TOP3A: variants seen among roughly 807,000 people sequenced by gnomAD.
TOP3A encodes DNA topoisomerase III alpha.
TOP3A carries 64 observed loss-of-function variants against 111.3 expected under a neutral mutation model. The ratio of observed to expected loss-of-function variants is 0.57; its 90% CI spans 0.47 to 0.71. The LOEUF (loss-of-function observed/expected upper bound fraction) is 0.71. TOP3A is among the 30% of genes least tolerant of loss of function. TOP3A has a pLI of 0.00. For missense variants in TOP3A, 1,104 were observed against 1,285.0 expected, an observed-to-expected ratio of 0.86 and a Z score of 2.15; for synonymous variants, 484 against 485.1, an observed-to-expected ratio of 1.00 and a Z score of 0.03.
At chr17:18,291,802 C>T (rs1273057734) in intron 11 of TOP3A, among the ~76,000 whole-genome samples, 12 of 152,026 alleles carry the variant, frequency 7.9e-5, no homozygotes, top group Non-Finnish European at 1.5e-4. Flanking sequence ...GCAACCTCCG[C>T]CTCCTGGGTT....
intron 7 of TOP3A, 137 bp from the exon 8 acceptor site, chr17:18,302,122 T>A: frequency 1.5e-6 from 2 of 1,374,326 alleles, no homozygotes; most frequent in East Asian, 4.9e-5. Flanking sequence ...AAGGGAACTT[T>A]AAGTGGATTG....
chr17:18,314,574 A>G, intron 1 of TOP3A, 25 bp downstream of exon 1: 1 of 1,596,866 alleles, frequency 6.3e-7, no homozygotes, highest in Non-Finnish European at 8.6e-7. Flanking sequence ...TAAGGCACGC[A>G]GCTGATCGGA....
In TOP3A at chr17:18,302,572, C is replaced by T. The variant is rs1201798455; in HGVS notation, c.643+8G>A. 1 of 1,613,766 alleles carries T rather than the reference C, an allele frequency of 6.2e-7. No individual in the cohort carries two copies. The highest frequency in any genetic ancestry group is 8.5e-7 in the Non-Finnish European group (1 of 1,179,744). On this transcript the variant is annotated splice_region_variant and intron_variant, in intron 6 of 18. Transcript: ENST00000321105. ...GTGGCCATGGGAGAGGTCTGCCTAG[C>T]TCCTCACCAATCCTCAGGTCCAGCT...
chr17:18,289,421 C>A (rs770313590), intron 13 of TOP3A, among the ~76,000 whole-genome samples: 5 of 152,086 alleles, frequency 3.3e-5, no homozygotes, highest in Non-Finnish European at 7.4e-5. Context: ...GCTACAGGTG[C>A]CCACCGCCAT....
rs772811336 is a variant in TOP3A at position 18,277,939 on chromosome 17, C to T, written c.2563G>A (p.Gly855Arg). 1 of 1,613,972 alleles carries T rather than the reference C, an allele frequency of 6.2e-7. No individual in the cohort carries two copies. The highest frequency in any genetic ancestry group is 8.5e-7 in the Non-Finnish European group (1 of 1,180,032). ...GCCAAGGCAGGAGGCCCTCCTGCTC[C>T]CGGATTGGGGCTGTCTGCCCACAGG... ...FFLWADSPNP[G>R]AGGPPALAYR... Residue 855 changes from glycine (G) to arginine (R), a missense_variant, in exon 18 of 19, where the codon GGA becomes AGA. Gly to Arg is a moderately radical substitution (Grantham distance 125). Coordinates refer to ENST00000321105, the MANE Select transcript of TOP3A (RefSeq NM_004618.5).
rs1476855651 is a variant in TOP3A at position 18,305,229 on chromosome 17, C to G, written c.391-9G>C. On this transcript the variant is annotated splice_polypyrimidine_tract_variant and intron_variant, in intron 4 of 18. Transcript: ENST00000321105. ...TCTCGTTCCAAAGTTTTCTTAAGTTCGCAGTGGAATAAGAGTGGTGAGAAC... is the reference window on the plus strand; with the variant it reads ...TCTCGTTCCAAAGTTTTCTTAAGTTGGCAGTGGAATAAGAGTGGTGAGAAC... 1 of 1,609,680 alleles carries G rather than the reference C, an allele frequency of 6.2e-7. No individual in the cohort carries two copies. The highest frequency in any genetic ancestry group is 8.5e-7 in the Non-Finnish European group (1 of 1,176,178).
intron 18 of TOP3A, among the ~76,000 whole-genome samples, chr17:18,275,563 C>T (rs1401243580): frequency 6.6e-6 from 1 of 151,456 alleles, no homozygotes; most frequent in Non-Finnish European, 1.5e-5. Flanking sequence ...CGGGTTTCAT[C>T]ATGTTAGCCA....
chr17:18,308,857 AT>A, intron 2 of TOP3A, 24 bp downstream of exon 2: 2 of 1,469,136 alleles, frequency 1.4e-6, no homozygotes, highest in Middle Eastern at 3.5e-4. Context: ...TGATTGAAAT[AT>A]TTTAGAAATA....
chr17:18,298,095 A>G, intron 9 of TOP3A, among the ~76,000 whole-genome samples: 1 of 149,106 alleles, frequency 6.7e-6, no homozygotes, highest in African/African-American at 2.5e-5. Context: ...GGATGTGAGG[A>G]GCGTCTCTGC....
rs1317452864 is a variant in TOP3A, at chr17:18,274,544, G to A, written c.*258C>T. 1.0e-5 allele frequency: 4 copies of A among 383,996 alleles called. No homozygotes were observed. The East Asian group carries it at 1.8e-4, about 17-fold the overall frequency. 23.8% of individuals were successfully genotyped at this position (383,996 alleles called of 1,614,324 possible). On this transcript the variant is annotated 3_prime_UTR_variant, in exon 19 of 19. Transcript: ENST00000321105. ...CAGCAACCATCCTTGGGGGGTCCGA[G>A]GGAGCAGCTGCGTGACTTTTCAGCA...
In TOP3A at chr17:18,274,535, G is replaced by A. The variant is rs1369745447; in HGVS notation, c.*267C>T. On this transcript the variant is annotated 3_prime_UTR_variant, in exon 19 of 19. Transcript: ENST00000321105. ...CTCTGCTAACAGCAACCATCCTTGG[G>A]GGGTCCGAGGGAGCAGCTGCGTGAC... 1 of 339,712 alleles carries A rather than the reference G, an allele frequency of 2.9e-6. No homozygotes were observed. The highest frequency in any genetic ancestry group is 5.3e-6 in the Non-Finnish European group (1 of 189,632). 21.0% of individuals were successfully genotyped at this position (339,712 alleles called of 1,614,324 possible).
intron 1 of TOP3A, chr17:18,313,573 TA>T (rs35922012): frequency 0.33 from 41,621 of 127,672 alleles, 6,369 homozygotes; most frequent in African/African-American, 0.37. Context: ...CTGGATTGCT[TA>T]AAAAAAAAAA....
chr17:18,296,670 A>G (rs577355557), intron 9 of TOP3A, among the ~76,000 whole-genome samples: 68 of 152,328 alleles, frequency 4.5e-4, no homozygotes, highest in African/African-American at 1.6e-3. Flanking sequence ...GACCAAGACA[A>G]AAGAACGCAC....
Position 18,302,660 on chromosome 17 carries a change from G to C in TOP3A, c.563C>G (p.Thr188Arg). The change falls in exon 6 of 19, where the codon ACA (threonine) becomes AGA (arginine). Residue 188 changes from threonine to arginine, a missense_variant. Thr to Arg is a moderately conservative substitution (Grantham distance 71). Coordinates refer to ENST00000321105, the MANE Select transcript of TOP3A (RefSeq NM_004618.5). ...FSEITPHAVR[T>R]ACENLTEPDQ... is the part of the protein sequence containing the mutation. ...AGGCTCGGTCAGGTTTTCACAAGCT[G>C]TCCTGACGGCATGGGGTGTGATCTC... 6.2e-7 allele frequency: 1 copy of C among 1,614,172 alleles called. No individual in the cohort carries two copies. Among genetic ancestry groups the C allele is most frequent in the Non-Finnish European group, 8.5e-7 (1 of 1,180,036 alleles).
chr17:18,290,592 G>A lies in TOP3A; in HGVS notation c.1562C>T (p.Ala521Val). The A allele has an allele frequency of 6.2e-7, 1 of 1,608,794 alleles. No homozygotes were observed. The highest frequency in any genetic ancestry group is 8.5e-7 in the Non-Finnish European group (1 of 1,176,988). The change falls in exon 13 of 19, where the codon GCC becomes GTC. Residue 521 changes from alanine to valine, a missense_variant. Ala to Val is a moderately conservative substitution (Grantham distance 64). Coordinates refer to ENST00000321105, the MANE Select transcript of TOP3A (RefSeq NM_004618.5). ...ETSPPKLLTE[A>V]DLIALMEKHG... ...CTTCTCCATGAGGGCAATGAGGTCG[G>A]CCTCGGTGAGCAGCTTGGGTGGGCT...
At chr17:18,311,338 G>C (rs1981898497) in intron 1 of TOP3A, among the ~76,000 whole-genome samples, 1 of 151,750 alleles carries the variant, frequency 6.6e-6, no homozygotes, top group Non-Finnish European at 1.5e-5. Flanking sequence ...CTGTCGCCCA[G>C]GCTGTAATGT....
At chr17:18,300,599 AGGCTGAAGTGCAGTGGCATAATCAT>A (rs1981168268) in intron 8 of TOP3A, among the ~76,000 whole-genome samples, 1 of 151,874 alleles carries the variant, frequency 6.6e-6, no homozygotes, top group Non-Finnish European at 1.5e-5. Context: ...TCTGTCACTC[AGGCTGAAGTGCAGTGGCATAATCAT>A]GGCTCACTGC....
intron 17 of TOP3A, among the ~76,000 whole-genome samples, chr17:18,279,020 C>T (rs1390712942): frequency 2.0e-5 from 3 of 152,164 alleles, no homozygotes; most frequent in Admixed American, 1.3e-4. Context: ...TCTTATTCTT[C>T]CATGTGTATA....
At chr17:18,306,835 A>G (rs778928609) in intron 4 of TOP3A, 56 bp downstream of exon 4, 6 of 1,136,900 alleles carry the variant, frequency 5.3e-6, no homozygotes, top group Non-Finnish European at 7.9e-6. Context: ...CAAAGAAATC[A>G]CTCTGTTTGA....
Sources: gnomAD v4.1 joint callset for allele counts (sites outside exome capture counted in the v4.1 genomes callset) on GRCh38, gnomAD v4.1.1 for gene constraint, MANE v1.5 for transcripts, NCBI Gene and HGNC (gene_info 2026-07-23, HGNC 2026-07-21) for gene names.